The following TBC1D12 variants were observed in gnomAD, a reference collection of about 807,000 sequenced individuals.
TBC1D12 encodes the protein TBC1 domain family, member 12.
A neutral mutation model predicts 86.7 loss-of-function variants in TBC1D12; 56 were observed. The observed-to-expected ratio is 0.65, with a 90% CI of 0.52 to 0.81. The LOEUF is 0.81. Ranked by LOEUF, TBC1D12 falls within the 30% of genes least tolerant of loss-of-function variation. TBC1D12 has a pLI of 0.00. For synonymous variants in TBC1D12, 421 were observed against 411.7 expected, an observed-to-expected ratio of 1.02 and a Z score of -0.27; for missense variants, 1,023 against 1,038.8, an observed-to-expected ratio of 0.98 and a Z score of 0.21.
chr10:94,465,899 C>T (rs1350567827), intron 2 of TBC1D12, among the ~76,000 whole-genome samples: 5 of 149,540 alleles, frequency 3.3e-5, no homozygotes, highest in South Asian at 2.1e-4. Context: ...TACATACATA[C>T]GCATATATAC....
intron 11 of TBC1D12, among the ~76,000 whole-genome samples, chr10:94,523,229 C>T (rs993413527): frequency 1.1e-4 from 15 of 140,810 alleles, no homozygotes; most frequent in Admixed American, 4.3e-4. Context: ...AGCATAGACT[C>T]TGGGTTGAAA....
intron 6 of TBC1D12, among the ~76,000 whole-genome samples, chr10:94,502,812 C>T (rs781619708): frequency 6.6e-6 from 1 of 152,160 alleles, no homozygotes; most frequent in Non-Finnish European, 1.5e-5. Context: ...TATATTGTCA[C>T]TGTTACTTCT....
chr10:94,403,099 G>C lies in TBC1D12; in HGVS notation c.486G>C (p.Glu162Asp). 7.1e-7 allele frequency: 1 copy of C among 1,402,346 alleles called. No homozygotes were observed. The highest frequency in any genetic ancestry group is 1.6e-5 in the South Asian group (1 of 60,810). The allele number at this position is 1,402,346 out of a possible 1,614,324, so 86.9% of individuals were successfully genotyped here. ...ARGLARAGGR[E>D]SRRRRPYGRL... is the part of the protein sequence containing the mutation. Reference sequence around the variant, plus strand: ...GGCTGGCGCGCGCCGGCGGCCGGGAGTCGCGCCGCCGCCGCCCCTACGGCC... The same window carrying C: ...GGCTGGCGCGCGCCGGCGGCCGGGACTCGCGCCGCCGCCGCCCCTACGGCC... Residue 162 changes from glutamate to aspartate, a missense_variant, in exon 1 of 13, where the codon GAG becomes GAC. By Grantham distance (45) the Glu-to-Asp change is conservative. Coordinates refer to ENST00000225235, the MANE Select transcript of TBC1D12 (RefSeq NM_015188.2).
chr10:94,488,149 G>T (rs1048803424), intron 3 of TBC1D12, among the ~76,000 whole-genome samples: 3 of 151,974 alleles, frequency 2.0e-5, no homozygotes, highest in Admixed American at 6.6e-5. Context: ...ACTTTGGAAG[G>T]CTGAGGCAGG....
chr10:94,526,872 C>A (rs897837838), intron 11 of TBC1D12, among the ~76,000 whole-genome samples: 2 of 152,188 alleles, frequency 1.3e-5, no homozygotes, highest in African/African-American at 4.8e-5. Context: ...GTTCCCTTTT[C>A]TTTGCATCCT....
intron 3 of TBC1D12, among the ~76,000 whole-genome samples, chr10:94,492,303 T>G (rs1420720034): frequency 1.3e-5 from 2 of 152,210 alleles, no homozygotes; most frequent in African/African-American, 4.8e-5. Flanking sequence ...CTACTATGTA[T>G]GCAAATGATG....
chr10:94,460,561 C>T (rs1238139636), intron 2 of TBC1D12, among the ~76,000 whole-genome samples: 1 of 150,690 alleles, frequency 6.6e-6, no homozygotes, highest in East Asian at 1.9e-4. Context: ...TATGATATGG[C>T]TAGAAGTAGT....
At chr10:94,497,404 A>G (rs542456249) in intron 5 of TBC1D12, among the ~76,000 whole-genome samples, 4 of 151,906 alleles carry the variant, frequency 2.6e-5, no homozygotes, top group African/African-American at 4.8e-5. Context: ...AAATTATACT[A>G]TTAATTAATG....
At position 94,478,786 on chromosome 10, in the gene TBC1D12, A is replaced by C. The variant is rs143114702; in HGVS notation, c.1211+4003A>C. Among the ~76,000 whole-genome samples the C allele has an allele frequency of 4.6e-3, 698 of 152,236 alleles. 6 individuals carry two copies. Among genetic ancestry groups the C allele is most frequent in the African/African-American group, 0.016 (670 of 41,530 alleles). On this transcript the variant is annotated intron_variant, in intron 3 of 12. Transcript: ENST00000225235. ...CTAGTATTGCCTACACATACTAACT[A>C]CCTTAAATCTTGCAAATCGATTCTG...
chr10:94,429,686 T>C (rs536996788), intron 1 of TBC1D12, among the ~76,000 whole-genome samples: 1 of 152,294 alleles, frequency 6.6e-6, no homozygotes, highest in East Asian at 1.9e-4. Context: ...CCCTCTGTTA[T>C]GATTTCTAAT....
At position 94,536,076 on chromosome 10, in the gene TBC1D12, G is replaced by C. The variant is rs563696421; in HGVS notation, c.*2980G>C. 6 of 152,118 alleles carry C rather than the reference G, an allele frequency of 3.9e-5. No homozygotes were observed. Among genetic ancestry groups the C allele is most frequent in the African/African-American group, 1.4e-4 (6 of 41,526 alleles). 9.4% of individuals were successfully genotyped at this position (152,118 alleles called of 1,614,324 possible). A position where few individuals can be genotyped will look rare whatever the true frequency, so the allele number is the denominator to read the frequency against. On this transcript the variant is annotated 3_prime_UTR_variant, in exon 13 of 13. Coordinates refer to ENST00000225235, the MANE Select transcript of TBC1D12 (RefSeq NM_015188.2). Reference sequence around the variant, plus strand: ...AGCCTTCAGTCTTTTTAGACTGACAGTACTGGCAGCTAAAATATTGTACTG... The same window carrying C: ...AGCCTTCAGTCTTTTTAGACTGACACTACTGGCAGCTAAAATATTGTACTG...
intron 9 of TBC1D12, among the ~76,000 whole-genome samples, chr10:94,515,404 A>G (rs1184918393): frequency 1.3e-5 from 2 of 150,304 alleles, no homozygotes; most frequent in African/African-American, 4.9e-5. Flanking sequence ...CTGGAGTGCA[A>G]TGGCATGATC....
chr10:94,494,948 A>T (rs1326947753), intron 4 of TBC1D12, among the ~76,000 whole-genome samples: 2 of 151,908 alleles, frequency 1.3e-5, no homozygotes, highest in Non-Finnish European at 2.9e-5. Context: ...TGCAGCCTCG[A>T]ATTCCTGGGC....
chr10:94,416,630 CAG>C (rs750059486), intron 1 of TBC1D12, among the ~76,000 whole-genome samples: 4 of 152,164 alleles, frequency 2.6e-5, no homozygotes, highest in Non-Finnish European at 4.4e-5. Flanking sequence ...ATTAGGTAAA[CAG>C]AACATTTTAT....
In TBC1D12 at chr10:94,511,095, C is replaced by CTT. The variant is rs3053917; in HGVS notation, c.1690-467_1690-466dup. 4.6e-3 allele frequency among the ~76,000 whole-genome samples: 306 copies of CTT among 66,770 alleles called. 4 individuals carry two copies. The highest frequency in any genetic ancestry group is 0.014 in the African/African-American group (240 of 17,060). The allele number at this position is 66,770 out of a possible 152,430, so 43.8% of individuals were successfully genotyped here. ...TGTTGTTATTTAGTAGTAAATATTT[C>CTT]TTTTTTTTTTTTTTTTTTTTTTGAG... On this transcript the variant is annotated intron_variant, in intron 8 of 12. Transcript: ENST00000225235.
Position 94,490,737 on chromosome 10 carries a change from T to C in TBC1D12, c.1212-2628T>C, listed in dbSNP as rs1420172269. Among the ~76,000 whole-genome samples the C allele has an allele frequency of 6.6e-5, 10 of 152,334 alleles. 1 individual carries two copies. The South Asian group carries it at 1.7e-3, about 25-fold the overall frequency. On this transcript the variant is annotated intron_variant, in intron 3 of 12. Transcript: ENST00000225235. ...GTTGGAGTGGTTCCAGAATAGCTTTTAGTTTAGGAGTAATTTGTCCTCACT... is the reference window on the plus strand; with the variant it reads ...GTTGGAGTGGTTCCAGAATAGCTTTCAGTTTAGGAGTAATTTGTCCTCACT...
chr10:94,420,472 T>C (rs934966910), intron 1 of TBC1D12, among the ~76,000 whole-genome samples: 1 of 152,204 alleles, frequency 6.6e-6, no homozygotes, highest in Non-Finnish European at 1.5e-5. Flanking sequence ...ACTATCTAAT[T>C]CTAGAACATT....
At chr10:94,447,511 TA>T in intron 2 of TBC1D12, 1 of 642,904 alleles carries the variant, frequency 1.6e-6, no homozygotes, top group Non-Finnish European at 1.9e-6. Context: ...TAAAGAAACA[TA>T]AAAAACGTTT....
chr10:94,531,360 C>T lies in TBC1D12; in HGVS notation c.2159C>T (p.Ala720Val), dbSNP rs776132439. ...ILLQMDFIHI[A>V]QFLTKLPEDI... The stretch of plus-strand genomic sequence containing the variant: ...CTGCAGATGGACTTTATTCATATAG[C>T]ACAGTTTCTAACTAAATTGCCAGAA... The change falls in exon 12 of 13, where the codon GCA becomes GTA. Residue 720 changes from alanine to valine, a missense_variant. Physicochemically the swap from Ala to Val is moderately conservative, Grantham distance 64. Transcript: ENST00000225235. The T allele has an allele frequency of 1.9e-6, 3 of 1,614,070 alleles. No homozygotes were observed. Among genetic ancestry groups the T allele is most frequent in the South Asian group, 1.1e-5 (1 of 91,072 alleles).
Sources: gnomAD v4.1 joint callset for allele counts (sites outside exome capture counted in the v4.1 genomes callset) on GRCh38, gnomAD v4.1.1 for gene constraint, MANE v1.5 for transcripts, NCBI Gene and HGNC (gene_info 2026-07-23, HGNC 2026-07-21) for gene names.